The following DERL1 variants were observed in gnomAD, a reference collection of about 807,000 sequenced individuals.
DERL1 encodes the protein derlin-1.
In DERL1, 24 loss-of-function variants were observed where a neutral mutation model predicts 41.6. That is an observed-to-expected ratio of 0.58 (90% CI 0.42 to 0.81). The LOEUF (loss-of-function observed/expected upper bound fraction) is 0.81, where lower values mean the gene tolerates loss of function less well. Ranked by LOEUF, DERL1 falls within the 30% of genes least tolerant of loss-of-function variation. The pLI, the probability that DERL1 is intolerant of heterozygous loss-of-function variation, is 0.00. For synonymous variants in DERL1, 124 were observed against 112.5 expected, an observed-to-expected ratio of 1.10 and a Z score of -0.65; for missense variants, 260 against 314.3, an observed-to-expected ratio of 0.83 and a Z score of 1.31.
intron 1 of DERL1, among the ~76,000 whole-genome samples, chr8:123,036,588 T>C (rs1222937646): frequency 6.6e-6 from 1 of 152,176 alleles, no homozygotes; most frequent in Non-Finnish European, 1.5e-5. Flanking sequence ...ACTTTCCTGC[T>C]TGTATATTGT....
chr8:123,041,740 G>A (rs1193514948), intron 1 of DERL1, among the ~76,000 whole-genome samples: 1 of 152,186 alleles, frequency 6.6e-6, no homozygotes, highest in South Asian at 2.1e-4. Context: ...CACTATACCA[G>A]TGAAGTCAAC....
At chr8:123,027,630 A>C (rs935178484) in intron 2 of DERL1, among the ~76,000 whole-genome samples, 1 of 152,226 alleles carries the variant, frequency 6.6e-6, no homozygotes, top group Non-Finnish European at 1.5e-5. Context: ...CAAATAAAAG[A>C]GACCAGTGAC....
chr8:123,031,383 A>G (rs1812812789), intron 1 of DERL1, among the ~76,000 whole-genome samples: 1 of 151,956 alleles, frequency 6.6e-6, no homozygotes, highest in African/African-American at 2.4e-5. Flanking sequence ...TGTCTCCAAT[A>G]AAATTACAAA....
At chr8:123,033,620 G>A (rs774244950) in intron 1 of DERL1, among the ~76,000 whole-genome samples, 20 of 152,146 alleles carry the variant, frequency 1.3e-4, no homozygotes, top group Non-Finnish European at 2.5e-4. Context: ...GCACATGCCT[G>A]TAATCCCAGC....
At chr8:123,036,089 G>C (rs1812922412) in intron 1 of DERL1, among the ~76,000 whole-genome samples, 1 of 151,996 alleles carries the variant, frequency 6.6e-6, no homozygotes, top group South Asian at 2.1e-4. Flanking sequence ...TCTTTAAAAA[G>C]AGCAATTAGA....
At position 123,042,176 on chromosome 8, in the gene DERL1, C is replaced by T; in HGVS notation, c.-54G>A. The T allele has an allele frequency of 1.3e-6, 2 of 1,526,338 alleles. No homozygotes were observed. Among genetic ancestry groups the T allele is most frequent in the South Asian group, 1.2e-5 (1 of 81,540 alleles). 94.5% of individuals were successfully genotyped at this position (1,526,338 alleles called of 1,614,324 possible). A position where few individuals can be genotyped will look rare whatever the true frequency, so the allele number is the denominator to read the frequency against. On this transcript the variant is annotated 5_prime_UTR_variant, in exon 1 of 8. Coordinates refer to ENST00000259512, the MANE Select transcript of DERL1 (RefSeq NM_024295.6). ...AAGACCGCCCGACTCCCCGTGCCGA[C>T]CCCCTCACGACGCGGCCGGCTCCGC...
intron 1 of DERL1, among the ~76,000 whole-genome samples, chr8:123,036,969 G>C (rs1303462445): frequency 6.6e-6 from 1 of 152,152 alleles, no homozygotes. Flanking sequence ...AAATAAATTA[G>C]AGAAATCAAG....
chr8:123,042,273 A>C lies in DERL1; in HGVS notation c.-151T>G, dbSNP rs1813099870. On this transcript the variant is annotated 5_prime_UTR_variant, in exon 1 of 8. Coordinates refer to ENST00000259512, the MANE Select transcript of DERL1 (RefSeq NM_024295.6). Reference sequence around the variant, plus strand: ...GGCGGAGACGGGCGGACGTGGCGCCACCGAATTCGGACCAGCGAGGCAGCC... The same window carrying C: ...GGCGGAGACGGGCGGACGTGGCGCCCCCGAATTCGGACCAGCGAGGCAGCC... The C allele has an allele frequency of 3.7e-6, 4 of 1,089,156 alleles. No homozygotes were observed. Among genetic ancestry groups the C allele is most frequent in the Non-Finnish European group, 5.0e-6 (4 of 806,528 alleles). The allele number at this position is 1,089,156 out of a possible 1,614,324, so 67.5% of individuals were successfully genotyped here. A position where few individuals can be genotyped will look rare whatever the true frequency, so the allele number is the denominator to read the frequency against.
intron 4 of DERL1, 33 bp downstream of exon 4, chr8:123,023,680 A>C: frequency 6.3e-7 from 1 of 1,599,346 alleles, no homozygotes; most frequent in African/African-American, 1.3e-5. Context: ...AAACAAATAA[A>C]AGGGCAAATA....
In DERL1 at chr8:123,041,991, T is replaced by C; in HGVS notation, c.132A>G (p.Glu44=). 2 of 1,612,938 alleles carry C rather than the reference T, an allele frequency of 1.2e-6. No homozygotes were observed. The highest frequency in any genetic ancestry group is 8.5e-7 in the Non-Finnish European group (1 of 1,179,292). The change falls in exon 1 of 8, where the codon GAA becomes GAG. Residue 44 remains glutamate (E), a synonymous_variant. Coordinates refer to ENST00000259512, the MANE Select transcript of DERL1 (RefSeq NM_024295.6). The stretch of plus-strand genomic sequence containing the variant: ...GTACCTGAAAGCGATAAAGGAAGGC[T>C]TCGGGCCAGAGGAAGAGGTAGGCCG... ...ISPAYLFLWP[E]AFLYRFQIWR... is the part of the protein sequence containing the mutation.
At chr8:123,039,866 C>G (rs1444939191) in intron 1 of DERL1, among the ~76,000 whole-genome samples, 1 of 152,150 alleles carries the variant, frequency 6.6e-6, no homozygotes, top group Non-Finnish European at 1.5e-5. Flanking sequence ...CTCATGGAGC[C>G]TTATTCTCTG....
intron 7 of DERL1, chr8:123,016,019 AG>A (rs1814559524): frequency 6.5e-6 from 1 of 153,004 alleles, no homozygotes. Context: ...TGCATGTTTG[AG>A]CCTTGCACAG....
chr8:123,037,875 G>A (rs887108891), intron 1 of DERL1, among the ~76,000 whole-genome samples: 2 of 152,126 alleles, frequency 1.3e-5, no homozygotes, highest in South Asian at 4.1e-4. Context: ...CCATGCAGGC[G>A]GCCCTGGGAG....
At chr8:123,032,017 G>C (rs889584443) in intron 1 of DERL1, among the ~76,000 whole-genome samples, 1 of 152,238 alleles carries the variant, frequency 6.6e-6, no homozygotes, top group African/African-American at 2.4e-5. Context: ...ACCATTTCAT[G>C]TATTATATAT....
At position 123,015,206 on chromosome 8, in the gene DERL1, C is replaced by A. The variant is rs1814526161; in HGVS notation, c.*241G>T. On this transcript the variant is annotated 3_prime_UTR_variant, in exon 8 of 8. Coordinates refer to ENST00000259512, the MANE Select transcript of DERL1 (RefSeq NM_024295.6). ...AAGAGAAGACACCAAAAAATGTAGT[C>A]AGTTTTGCAATTTGCACAGTTGGTA... is the stretch of plus-strand genomic sequence containing the variant. 8.9e-6 allele frequency: 4 copies of A among 447,406 alleles called. No homozygotes were observed. The South Asian group carries it at 2.2e-4, about 24-fold the overall frequency. The allele number at this position is 447,406 out of a possible 1,614,324, so 27.7% of individuals were successfully genotyped here.
intron 1 of DERL1, among the ~76,000 whole-genome samples, chr8:123,035,366 G>A (rs747120845): frequency 2.2e-4 from 33 of 152,130 alleles, no homozygotes; most frequent in Non-Finnish European, 4.0e-4. Context: ...AACATATTTC[G>A]GAAATCCCCA....
chr8:123,041,444 A>C (rs1219349509), intron 1 of DERL1, among the ~76,000 whole-genome samples: 1 of 152,330 alleles, frequency 6.6e-6, no homozygotes, highest in East Asian at 1.9e-4. Flanking sequence ...GGGGACACTA[A>C]ATTAGGTCTA....
In DERL1 at chr8:123,015,243, C is replaced by G. The variant is rs929178451; in HGVS notation, c.*204G>C. 1 of 668,160 alleles carries G rather than the reference C, an allele frequency of 1.5e-6. No homozygotes were observed. The highest frequency in any genetic ancestry group is 2.3e-6 in the Non-Finnish European group (1 of 434,004). The allele number at this position is 668,160 out of a possible 1,614,324, so 41.4% of individuals were successfully genotyped here. A position where few individuals can be genotyped will look rare whatever the true frequency, so the allele number is the denominator to read the frequency against. The stretch of plus-strand genomic sequence containing the variant: ...TTGCACAGTTGGTATTTGTTCTTCA[C>G]AGCAGTAAGGACTTGAATGAGAATC... On this transcript the variant is annotated 3_prime_UTR_variant, in exon 8 of 8. Coordinates refer to ENST00000259512, the MANE Select transcript of DERL1 (RefSeq NM_024295.6).
chr8:123,017,262 T>A (rs1304202013), intron 7 of DERL1: 1 of 152,226 alleles, frequency 6.6e-6, no homozygotes, highest in Admixed American at 6.5e-5. Context: ...CTTCCTATAC[T>A]CACCTCCTCC....
Sources: allele counts gnomAD v4.1 joint callset (sites outside exome capture counted in the v4.1 genomes callset), GRCh38; gene constraint gnomAD v4.1.1; transcripts MANE v1.5; gene names NCBI Gene and HGNC (gene_info 2026-07-23, HGNC 2026-07-21).